Variants in FOCAD observed in about 807,000 individuals in gnomAD.
FOCAD encodes the protein KIAA1797.
Under a neutral mutation model 225.6 loss-of-function variants are expected in FOCAD, and 198 were observed. The observed-to-expected ratio is 0.88, with a 90% CI of 0.78 to 0.99. FOCAD has a LOEUF of 0.99. Among genes scored for constraint, FOCAD ranks in the 50% least tolerant of loss-of-function variants. FOCAD has a pLI of 0.00. For synonymous variants in FOCAD, 897 were observed against 755.0 expected (o/e 1.19, Z -3.08); for missense variants, 2,713 against 2,123.6 (o/e 1.28, Z -5.46).
chr9:20,866,917 T>TTTTAAAAA lies in FOCAD; in HGVS notation c.2107-12_2107-11insTTTAAAAA. On this transcript the variant is annotated splice_polypyrimidine_tract_variant and intron_variant, in intron 17 of 43. Coordinates refer to ENST00000338382, the MANE Select transcript of FOCAD (RefSeq NM_001375567.1). ...TTTTTTTTTTTTTTTTTTTTTTTTT[T>TTTTAAAAA]ACCCTATCTAGGACCCAATTGTAGC... The TTTTAAAAA allele has an allele frequency of 1.0e-5, 8 of 764,960 alleles. No homozygotes were observed. Among genetic ancestry groups the TTTTAAAAA allele is most frequent in the Middle Eastern group, 2.7e-4 (1 of 3,754 alleles). The allele number at this position is 764,960 out of a possible 1,614,324, so 47.4% of individuals were successfully genotyped here.
Position 20,946,798 on chromosome 9 carries a change from T to A in FOCAD, c.3653T>A (p.Leu1218Gln), listed in dbSNP as rs1442657026. 13 of 1,613,728 alleles carry A rather than the reference T, an allele frequency of 8.1e-6. No individual in the cohort carries two copies. In the Admixed American group the frequency reaches 2.2e-4, roughly 27 times the overall value. Residue 1218 changes from leucine (L) to glutamine (Q), a missense_variant, in exon 30 of 44, where the codon CTG becomes CAG. By Grantham distance (113) the Leu-to-Gln change is moderately radical (BLOSUM62 -2). Coordinates refer to ENST00000338382, the MANE Select transcript of FOCAD (RefSeq NM_001375567.1). ...GAGGATGTTATGAACAAGCTTCGAC[T>A]GTTAGTGGAGAATAGCCAGCAGGTT... ...EAEDVMNKLR[L>Q]LVENSQQTSG...
At chr9:20,760,420 C>G (rs1326179973) in intron 6 of FOCAD, among the ~76,000 whole-genome samples, 1 of 152,228 alleles carries the variant, frequency 6.6e-6, no homozygotes, top group African/African-American at 2.4e-5. Flanking sequence ...TCCAATCTAT[C>G]TCACCAGCTT....
At chr9:20,709,888 T>C (rs781239235) in intron 1 of FOCAD, among the ~76,000 whole-genome samples, 5 of 152,214 alleles carry the variant, frequency 3.3e-5, no homozygotes, top group Non-Finnish European at 5.9e-5. Context: ...TTAGGTAATT[T>C]AGATAAAAAC....
chr9:20,662,771 G>A (rs1046865158), intron 2 of FOCAD, among the ~76,000 whole-genome samples: 23 of 152,076 alleles, frequency 1.5e-4, no homozygotes, highest in Admixed American at 1.4e-3. Context: ...CCTGATAAAC[G>A]TCTTGCAACC....
chr9:20,970,325 G>T (rs1587747774), intron 35 of FOCAD, among the ~76,000 whole-genome samples: 1 of 151,916 alleles, frequency 6.6e-6, no homozygotes, highest in South Asian at 2.1e-4. Context: ...TGAGATTCCT[G>T]TTATGCCTAC....
intron 11 of FOCAD, among the ~76,000 whole-genome samples, chr9:20,808,339 C>G (rs182951782): frequency 1.3e-5 from 2 of 152,148 alleles, no homozygotes; most frequent in East Asian, 1.9e-4. Context: ...TATTTATAGT[C>G]CTGGGTAAAT....
chr9:20,980,595 A>G (rs549311060), intron 37 of FOCAD, among the ~76,000 whole-genome samples: 1 of 152,328 alleles, frequency 6.6e-6, no homozygotes, highest in African/African-American at 2.4e-5. Context: ...TCATGCAACT[A>G]CACTGATCTT....
At chr9:20,708,865 C>T (rs1824604578) in intron 1 of FOCAD, among the ~76,000 whole-genome samples, 1 of 152,054 alleles carries the variant, frequency 6.6e-6, no homozygotes, top group South Asian at 2.1e-4. Flanking sequence ...ATTTGGTAGT[C>T]AAGAGTGCTC....
chr9:20,949,025 G>T (rs1289147588), intron 32 of FOCAD, 97 bp downstream of exon 32: 3 of 1,110,210 alleles, frequency 2.7e-6, no homozygotes, highest in Admixed American at 3.9e-5. Flanking sequence ...AGAACAGAAG[G>T]ATTTATGCTC....
intron 16 of FOCAD, among the ~76,000 whole-genome samples, chr9:20,864,767 A>G (rs1169225925): frequency 6.6e-6 from 1 of 152,130 alleles, no homozygotes; most frequent in Non-Finnish European, 1.5e-5. Flanking sequence ...TATATTTATT[A>G]AAACTGCGCT....
At chr9:20,707,546 T>C (rs894608190) in intron 1 of FOCAD, among the ~76,000 whole-genome samples, 21 of 152,178 alleles carry the variant, frequency 1.4e-4, no homozygotes, top group African/African-American at 5.1e-4. Flanking sequence ...ATTTTATGTA[T>C]TATATATACT....
intron 8 of FOCAD, among the ~76,000 whole-genome samples, chr9:20,774,103 G>A (rs1268483776): frequency 1.3e-5 from 2 of 152,186 alleles, no homozygotes; most frequent in Non-Finnish European, 2.9e-5. Context: ...AATAATGCCT[G>A]ATGATCTGAG....
At chr9:20,847,897 A>G (rs1024017409) in intron 15 of FOCAD, among the ~76,000 whole-genome samples, 4 of 152,096 alleles carry the variant, frequency 2.6e-5, no homozygotes, top group African/African-American at 4.8e-5. Context: ...GAAGAGCAAA[A>G]TAAAATTAAT....
At chr9:20,740,904 C>T (rs1312957472) in intron 5 of FOCAD, among the ~76,000 whole-genome samples, 1 of 152,018 alleles carries the variant, frequency 6.6e-6, no homozygotes, top group Non-Finnish European at 1.5e-5. Flanking sequence ...GAGTTGTGGT[C>T]AAGGGAGGGA....
intron 35 of FOCAD, among the ~76,000 whole-genome samples, chr9:20,968,488 C>A (rs1839471538): frequency 8.4e-6 from 1 of 119,754 alleles, no homozygotes. Flanking sequence ...GTCGCCCAGG[C>A]TGGAGTACAA....
rs372325157 is a variant in FOCAD at position 20,992,055 on chromosome 9, T to G, written c.5257-1198T>G. 1.5e-4 allele frequency among the ~76,000 whole-genome samples: 23 copies of G among 152,326 alleles called. No homozygotes were observed. The East Asian group carries it at 3.5e-3, about 23-fold the overall frequency. On this transcript the variant is annotated intron_variant, in intron 42 of 43. Transcript: ENST00000338382. ...GGAATATTTTCTTTTTCTCCCTATT[T>G]TACTCTTTCTTCAATCTAGCTTCTA...
rs1554741396 is a variant in FOCAD at position 20,957,478 on chromosome 9, C to CTTTTTTTCT, written c.4132+4420_4132+4421insCTTTTTTTT. 6.1e-5 allele frequency: 5 copies of CTTTTTTTCT among 81,480 alleles called. 1 individual carries two copies. 5.0% of individuals were successfully genotyped at this position (81,480 alleles called of 1,614,324 possible). On this transcript the variant is annotated intron_variant, in intron 35 of 43. Transcript: ENST00000338382. ...AATTTTAGTGAACATCTTTTCTTTT[C>CTTTTTTTCT]TTTTTTTTTTTTTTTTGAGACAGTC... is the stretch of plus-strand genomic sequence containing the variant.
At chr9:20,886,763 A>G (rs1014502854) in intron 21 of FOCAD, among the ~76,000 whole-genome samples, 1 of 152,206 alleles carries the variant, frequency 6.6e-6, no homozygotes, top group Non-Finnish European at 1.5e-5. Context: ...CAGTATATGT[A>G]GTTCATTTGC....
At chr9:20,971,350 G>A (rs1353339076) in intron 35 of FOCAD, among the ~76,000 whole-genome samples, 1 of 151,940 alleles carries the variant, frequency 6.6e-6, no homozygotes, top group African/African-American at 2.4e-5. Flanking sequence ...TACCAATTAT[G>A]CTGCTATTTC....
Sources: allele counts gnomAD v4.1 joint callset (sites outside exome capture counted in the v4.1 genomes callset), GRCh38; gene constraint gnomAD v4.1.1; transcripts MANE v1.5; gene names NCBI Gene and HGNC (gene_info 2026-07-23, HGNC 2026-07-21).